Variants in SPECC1 observed in about 807,000 individuals in gnomAD.
SPECC1 encodes cytospin-B.
SPECC1 carries 62 observed loss-of-function variants against 104.1 expected under a neutral mutation model. That is an observed-to-expected ratio of 0.60 (90% CI 0.49 to 0.74). The LOEUF (loss-of-function observed/expected upper bound fraction) is 0.74, where lower values mean the gene tolerates loss of function less well. Ranked by LOEUF, SPECC1 falls within the 30% of genes least tolerant of loss-of-function variation. The pLI, the probability that SPECC1 is intolerant of heterozygous loss-of-function variation, is 0.00. For synonymous variants in SPECC1, 513 were observed against 501.6 expected (o/e 1.02, Z -0.30); for missense variants, 1,306 against 1,310.5 (o/e 1.00, Z 0.05).
chr17:20,087,586 G>A (rs1425146075), intron 1 of SPECC1, among the ~76,000 whole-genome samples: 2 of 152,148 alleles, frequency 1.3e-5, no homozygotes, highest in African/African-American at 4.8e-5. Context: ...AAGCTCCCTG[G>A]CTGGTGGGGC....
chr17:20,054,331 G>A (rs1478993745), intron 1 of SPECC1, among the ~76,000 whole-genome samples: 2 of 152,250 alleles, frequency 1.3e-5, no homozygotes, highest in Non-Finnish European at 2.9e-5. Flanking sequence ...TCCTGCAGCA[G>A]GGTGTTCAGC....
At chr17:20,216,365 C>T (rs1683531488) in intron 4 of SPECC1, among the ~76,000 whole-genome samples, 1 of 152,172 alleles carries the variant, frequency 6.6e-6, no homozygotes, top group African/African-American at 2.4e-5. Flanking sequence ...TAATCTAATT[C>T]TTTGATCCAA....
At chr17:20,214,300 A>T (rs1371436748) in intron 4 of SPECC1, among the ~76,000 whole-genome samples, 1 of 152,236 alleles carries the variant, frequency 6.6e-6, no homozygotes, top group African/African-American at 2.4e-5. Flanking sequence ...TTTATGGCAC[A>T]AAATTGTTTA....
chr17:20,205,889 C>T lies in SPECC1; in HGVS notation c.1840C>T (p.His614Tyr), dbSNP rs772619977. 2 of 1,611,776 alleles carry T rather than the reference C, an allele frequency of 1.2e-6. No individual in the cohort carries two copies. Among genetic ancestry groups the T allele is most frequent in the Non-Finnish European group, 1.7e-6 (2 of 1,179,622 alleles). The change falls in exon 4 of 15, where the codon CAT (histidine) becomes TAT (tyrosine). Residue 614 changes from histidine to tyrosine, a missense_variant. His to Tyr is a moderately conservative substitution (Grantham distance 83). Coordinates refer to ENST00000395527, the MANE Select transcript of SPECC1 (RefSeq NM_001243439.2). ...ACTAAAGGCAAACGGTGAAATTAAA[C>T]ATGTTTCCAGTCTGCTGGCCAAGGT... ...ELLKANGEIK[H>Y]VSSLLAKVEK... is the part of the protein sequence containing the mutation.
Position 20,306,150 on chromosome 17 carries a change from A to G in SPECC1, c.3117+68A>G, listed in dbSNP as rs755284612. 4 of 1,482,500 alleles carry G rather than the reference A, an allele frequency of 2.7e-6. No homozygotes were observed. The South Asian group carries it at 4.7e-5, about 17-fold the overall frequency. The allele number at this position is 1,482,500 out of a possible 1,614,324, so 91.8% of individuals were successfully genotyped here. ...GAGAAATGACTTTATGCCATCTGAT[A>G]AACAGTTTCTCGTAGAACATTGACA... On this transcript the variant is annotated intron_variant, in intron 14 of 14. Transcript: ENST00000395527.
At chr17:20,233,739 A>G (rs528446402) in intron 7 of SPECC1, among the ~76,000 whole-genome samples, 93 of 152,310 alleles carry the variant, frequency 6.1e-4, no homozygotes, top group Non-Finnish European at 1.0e-3. Context: ...TAGAGGGAGA[A>G]TAGGAAAACT....
intron 4 of SPECC1, 147 bp from the exon 5 acceptor site, chr17:20,227,266 A>G: frequency 1.4e-6 from 1 of 706,192 alleles, no homozygotes; most frequent in Non-Finnish European, 2.4e-6. Flanking sequence ...AGCTTTTCGT[A>G]ATGTTTTATT....
intron 3 of SPECC1, chr17:20,156,296 C>A (rs898340104): frequency 1.5e-6 from 2 of 1,308,318 alleles, no homozygotes; most frequent in East Asian, 6.3e-5. Flanking sequence ...TCCAGGCGCC[C>A]TTCCCCCACC....
At position 20,205,646 on chromosome 17, in the gene SPECC1, A is replaced by T. The variant is rs757246206; in HGVS notation, c.1597A>T (p.Met533Leu). 3 of 1,614,098 alleles carry T rather than the reference A, an allele frequency of 1.9e-6. No individual in the cohort carries two copies. The highest frequency in any genetic ancestry group is 2.5e-6 in the Non-Finnish European group (3 of 1,180,040). Residue 533 changes from methionine (M) to leucine (L), a missense_variant, in exon 4 of 15, where the codon ATG (methionine) becomes TTG (leucine). Transcript: ENST00000395527. ...ACTGGAACGGCATAATAATAACATG[A>T]TGGCCAAAACTTTGGAAGAGTGTAG... Reference protein sequence around the residue: ...LELERHNNNMMAKTLEECRVT... With the variant: ...LELERHNNNMLAKTLEECRVT...
chr17:20,178,874 C>T (rs1289255639), intron 3 of SPECC1, among the ~76,000 whole-genome samples: 1 of 152,130 alleles, frequency 6.6e-6, no homozygotes, highest in Non-Finnish European at 1.5e-5. Flanking sequence ...TTTTAAAAGA[C>T]AATTGCTGGA....
chr17:20,113,017 A>T, intron 3 of SPECC1: 1 of 844,500 alleles, frequency 1.2e-6, no homozygotes, highest in Non-Finnish European at 2.1e-6. Context: ...AGGAACATGT[A>T]CAAGATGAAA....
intron 3 of SPECC1, among the ~76,000 whole-genome samples, chr17:20,158,467 C>CG (rs990065491): frequency 3.3e-5 from 5 of 152,134 alleles, no homozygotes; most frequent in African/African-American, 9.7e-5. Context: ...GAAAGGGAAG[C>CG]GGGAGGCAGC....
At chr17:20,069,742 T>C (rs1305685338) in intron 1 of SPECC1, among the ~76,000 whole-genome samples, 1 of 152,188 alleles carries the variant, frequency 6.6e-6, no homozygotes, top group East Asian at 1.9e-4. Context: ...TTGACTTCTT[T>C]AGTTTTTTCA....
At chr17:20,197,538 G>A (rs544617803) in intron 3 of SPECC1, among the ~76,000 whole-genome samples, 1 of 152,170 alleles carries the variant, frequency 6.6e-6, no homozygotes, top group South Asian at 2.1e-4. Context: ...GGAATTTAGA[G>A]TAGTTAATTT....
intron 3 of SPECC1, chr17:20,156,371 C>A: frequency 1.0e-6 from 1 of 1,004,814 alleles, no homozygotes; most frequent in Non-Finnish European, 1.3e-6. Flanking sequence ...TGATTCTTGT[C>A]GTTGGAATGC....
chr17:20,158,312 G>A (rs1026330429), intron 3 of SPECC1, among the ~76,000 whole-genome samples: 8 of 152,184 alleles, frequency 5.3e-5, no homozygotes, highest in African/African-American at 1.9e-4. Flanking sequence ...TTCCCGTATT[G>A]TGTCAGTTTT....
intron 1 of SPECC1, among the ~76,000 whole-genome samples, chr17:20,086,676 G>T (rs950427852): frequency 6.6e-6 from 1 of 152,152 alleles, no homozygotes; most frequent in African/African-American, 2.4e-5. Context: ...CAGAGGGAGG[G>T]GCAGTGGACG....
chr17:20,015,638 G>A (rs993924316), intron 1 of SPECC1, among the ~76,000 whole-genome samples: 12 of 140,202 alleles, frequency 8.6e-5, no homozygotes, highest in African/African-American at 2.9e-4. Flanking sequence ...AGGCTGGAAG[G>A]CAATGGCACT....
At chr17:20,046,232 C>A (rs551461682) in intron 1 of SPECC1, among the ~76,000 whole-genome samples, 38 of 152,184 alleles carry the variant, frequency 2.5e-4, no homozygotes, top group African/African-American at 9.1e-4. Context: ...AGATTTGAGC[C>A]ACAGTGCCTG....
Sources: gnomAD v4.1 joint callset for allele counts (sites outside exome capture counted in the v4.1 genomes callset) on GRCh38, gnomAD v4.1.1 for gene constraint, MANE v1.5 for transcripts, NCBI Gene and HGNC (gene_info 2026-07-23, HGNC 2026-07-21) for gene names.